The following SPATA31F1 variants were observed in gnomAD, a reference collection of about 807,000 sequenced individuals.
SPATA31F1 encodes the protein SPATA31 subfamily F member 1, also known as protein SPATA31F1.
chr9:34,729,413 A>G, the SPATA31F1 span: 1 of 1,550,370 alleles, frequency 6.5e-7, no homozygotes, highest in South Asian at 1.2e-5. Context: ...ACAGAACAAA[A>G]GTAGGGCTCA....
chr9:34,726,393 G>A, the SPATA31F1 span: 1 of 1,548,244 alleles, frequency 6.5e-7, no homozygotes, highest in East Asian at 2.4e-5. Context: ...AATGGCAGGT[G>A]GGCAGGGAGG....
At chr9:34,729,429 G>T in the SPATA31F1 span, 2 of 1,545,352 alleles carry the variant, frequency 1.3e-6, no homozygotes, top group Non-Finnish European at 1.7e-6. Flanking sequence ...GCTCAACATG[G>T]TCTAAACTTC....
the SPATA31F1 span, chr9:34,728,773 A>T: frequency 1.1e-6 from 1 of 931,482 alleles, no homozygotes; most frequent in Admixed American, 2.2e-5. Context: ...TCTGTATTTT[A>T]TACACTCTCC....
chr9:34,728,117 G>C, the SPATA31F1 span: 2 of 1,542,838 alleles, frequency 1.3e-6, no homozygotes, highest in Non-Finnish European at 1.8e-6. Flanking sequence ...TATGGCATGG[G>C]ATAATTTCAT....
chr9:34,727,929 A>G, the SPATA31F1 span: 4 of 1,195,090 alleles, frequency 3.3e-6, no homozygotes, highest in East Asian at 2.6e-5. Flanking sequence ...CCTCCCAGCC[A>G]TTATCTTTCT....
the SPATA31F1 span, chr9:34,726,961 A>G: frequency 1.3e-5 from 20 of 1,550,166 alleles, no homozygotes; most frequent in Non-Finnish European, 1.6e-5. Context: ...TTCGCCGCAC[A>G]CTTCTCTCCA....
the SPATA31F1 span, chr9:34,729,361 T>C: frequency 1.3e-6 from 2 of 1,551,686 alleles, no homozygotes; most frequent in African/African-American, 2.7e-5. Flanking sequence ...ACAATAACGA[T>C]GAAGATGGAG....
the SPATA31F1 span, chr9:34,726,104 G>A: frequency 2.0e-6 from 3 of 1,486,328 alleles, no homozygotes; most frequent in Non-Finnish European, 1.8e-6. Context: ...TGGGTTCATT[G>A]TGGACCATTC....
the SPATA31F1 span, among the ~76,000 whole-genome samples, chr9:34,728,314 C>G: frequency 1.3e-5 from 2 of 152,296 alleles, no homozygotes; most frequent in Middle Eastern, 3.4e-3. Flanking sequence ...GTGTTTTGCT[C>G]ATTTTGTGGA....
the SPATA31F1 span, chr9:34,726,001 C>T: frequency 6.5e-7 from 1 of 1,546,308 alleles, no homozygotes; most frequent in Admixed American, 2.0e-5. Flanking sequence ...GTCCCCCAGA[C>T]TGTGGATGGG....
At chr9:34,729,286 G>A in the SPATA31F1 span, 41 of 1,551,674 alleles carry the variant, frequency 2.6e-5, no homozygotes, top group Admixed American at 1.4e-4. Context: ...AGCCCTACCC[G>A]GCAGCAGCTC....
At chr9:34,727,888 C>T in the SPATA31F1 span, 6 of 776,078 alleles carry the variant, frequency 7.7e-6, 1 homozygote, top group South Asian at 5.7e-5. Flanking sequence ...ACCCTCTCAC[C>T]CAGTGTCCCT....
At chr9:34,725,110 C>T in the SPATA31F1 span, 11 of 1,551,178 alleles carry the variant, frequency 7.1e-6, no homozygotes, top group Non-Finnish European at 9.6e-6. Flanking sequence ...GAAAAGGAGC[C>T]ACTGCCAGGA....
the SPATA31F1 span, among the ~76,000 whole-genome samples, chr9:34,727,820 G>C: frequency 6.6e-6 from 1 of 152,146 alleles, no homozygotes; most frequent in African/African-American, 2.4e-5. Flanking sequence ...CCCTAGCACA[G>C]AACTGAACTG....
the SPATA31F1 span, chr9:34,723,849 C>T: frequency 1.3e-6 from 2 of 1,551,672 alleles, no homozygotes; most frequent in Non-Finnish European, 1.7e-6. Context: ...GACTCTTTCT[C>T]CCCAGGGACT....
the SPATA31F1 span, chr9:34,728,102 T>A: frequency 6.4e-7 from 1 of 1,550,634 alleles, no homozygotes; most frequent in Non-Finnish European, 8.7e-7. Context: ...GGGGAGACAG[T>A]GTTATATGGC....
chr9:34,723,172 A>G, the SPATA31F1 span: 5 of 1,489,558 alleles, frequency 3.4e-6, no homozygotes, highest in Non-Finnish European at 3.6e-6. Flanking sequence ...ACTCTTTTTC[A>G]TGGCTCTGCA....
the SPATA31F1 span, chr9:34,723,657 C>T: frequency 6.4e-7 from 1 of 1,551,660 alleles, no homozygotes; most frequent in East Asian, 2.4e-5. Flanking sequence ...ACTGGCATCA[C>T]CAGCCCATGC....
At chr9:34,723,602 T>C in the SPATA31F1 span, 3 of 1,551,658 alleles carry the variant, frequency 1.9e-6, no homozygotes, top group African/African-American at 4.1e-5. Flanking sequence ...TTTAATTTTA[T>C]TTCTGAAGCT....
Sources: gnomAD v4.1 joint callset for allele counts (sites outside exome capture counted in the v4.1 genomes callset) on GRCh38, gnomAD v4.1.1 for gene constraint, MANE v1.5 for transcripts, NCBI Gene and HGNC (gene_info 2026-07-23, HGNC 2026-07-21) for gene names.